ROBO2: variants seen among roughly 807,000 people sequenced by gnomAD.
ROBO2 encodes the protein roundabout homolog 2.
Under a neutral mutation model 160.8 loss-of-function variants are expected in ROBO2, and 53 were observed. The ratio of observed to expected loss-of-function variants is 0.33; its 90% CI spans 0.26 to 0.41. The LOEUF (loss-of-function observed/expected upper bound fraction) is 0.41, where lower values mean the gene tolerates loss of function less well. Among genes scored for constraint, ROBO2 ranks in the 10% least tolerant of loss-of-function variants. ROBO2 has a pLI of 1.00. For synonymous variants in ROBO2, 664 were observed against 611.7 expected, an observed-to-expected ratio of 1.09 and a Z score of -1.26; for missense variants, 1,577 against 1,722.4, an observed-to-expected ratio of 0.92 and a Z score of 1.49.
chr3:77,253,077 G>T (rs1454555866), intron 2 of ROBO2, among the ~76,000 whole-genome samples: 1 of 151,768 alleles, frequency 6.6e-6, no homozygotes, highest in Non-Finnish European at 1.5e-5. Flanking sequence ...GTAAATTTCT[G>T]AGACACCACA....
intron 5 of ROBO2, among the ~76,000 whole-genome samples, chr3:77,522,360 G>T (rs1367020195): frequency 4.6e-5 from 7 of 150,934 alleles, no homozygotes; most frequent in Admixed American, 2.7e-4. Context: ...ATATATTTCG[G>T]CTCTCTAATA....
intron 2 of ROBO2, among the ~76,000 whole-genome samples, chr3:76,692,992 A>ATGTATATATGTATGTATATACACATATG (rs2092837468): frequency 6.7e-6 from 1 of 149,364 alleles, no homozygotes; most frequent in African/African-American, 2.5e-5. Flanking sequence ...ACATATGTGT[A>ATGTATATATGTATGTATATACACATATG]TGTATATATG....
intron 2 of ROBO2, among the ~76,000 whole-genome samples, chr3:76,802,219 AC>A (rs1387124139): frequency 1.3e-5 from 2 of 152,246 alleles, no homozygotes; most frequent in African/African-American, 4.8e-5. Context: ...CAGGGTTGCC[AC>A]TAACCTTCAG....
At chr3:76,110,728 G>T (rs188002151) in intron 2 of ROBO2, among the ~76,000 whole-genome samples, 1 of 151,970 alleles carries the variant, frequency 6.6e-6, no homozygotes, top group Non-Finnish European at 1.5e-5. Context: ...CTAATAAAAT[G>T]TAACATGCTT....
chr3:76,190,304 G>T (rs2107172190), intron 2 of ROBO2, among the ~76,000 whole-genome samples: 1 of 152,198 alleles, frequency 6.6e-6, no homozygotes, highest in East Asian at 1.9e-4. Context: ...GAAGAGGTGT[G>T]TGGCAATAGT....
intron 2 of ROBO2, among the ~76,000 whole-genome samples, chr3:76,958,566 T>A (rs561146323): frequency 6.6e-6 from 1 of 152,152 alleles, no homozygotes; most frequent in South Asian, 2.1e-4. Flanking sequence ...CATCTCAGAG[T>A]TTTTTAAGAT....
chr3:77,191,589 A>G (rs964161201), intron 2 of ROBO2, among the ~76,000 whole-genome samples: 6 of 152,100 alleles, frequency 3.9e-5, no homozygotes, highest in Non-Finnish European at 7.4e-5. Context: ...TTAAACGTGG[A>G]TATTGCTGAA....
intron 2 of ROBO2, among the ~76,000 whole-genome samples, chr3:76,189,991 A>T (rs1407638428): frequency 6.6e-6 from 1 of 152,128 alleles, no homozygotes; most frequent in Non-Finnish European, 1.5e-5. Context: ...ACACTTGCGT[A>T]AGAGAAAATT....
chr3:76,419,757 G>T (rs987910603), intron 2 of ROBO2, among the ~76,000 whole-genome samples: 66 of 152,182 alleles, frequency 4.3e-4, no homozygotes, highest in African/African-American at 1.4e-3. Flanking sequence ...ATAGTAATGG[G>T]AATCATGTAG....
At chr3:76,732,052 G>T (rs774607) in intron 2 of ROBO2, among the ~76,000 whole-genome samples, 28,189 of 152,032 alleles carry the variant, frequency 0.19, 2,734 homozygotes, top group Non-Finnish European at 0.22. Context: ...GGAATCATGT[G>T]ATTTTAAATA....
chr3:76,815,624 T>C (rs1039217190), intron 2 of ROBO2, among the ~76,000 whole-genome samples: 19 of 150,478 alleles, frequency 1.3e-4, no homozygotes, highest in African/African-American at 3.7e-4. Flanking sequence ...AAAATCATTC[T>C]TTAAGGGCTA....
chr3:76,967,511 C>CTTTT, intron 2 of ROBO2, among the ~76,000 whole-genome samples: 1 of 55,372 alleles, frequency 1.8e-5, no homozygotes, highest in Non-Finnish European at 3.1e-5. Flanking sequence ...CTGGCCAGCT[C>CTTTT]TTTTTTTTTT....
chr3:77,019,383 A>G (rs991845042), intron 2 of ROBO2, among the ~76,000 whole-genome samples: 1 of 152,162 alleles, frequency 6.6e-6, no homozygotes, highest in Non-Finnish European at 1.5e-5. Context: ...GCAGGACATC[A>G]TCATCCCCCA....
intron 6 of ROBO2, among the ~76,000 whole-genome samples, chr3:77,532,260 G>GT (rs2091794681): frequency 6.6e-6 from 1 of 151,096 alleles, no homozygotes; most frequent in Non-Finnish European, 1.5e-5. Flanking sequence ...TATTGTCTTG[G>GT]TATTGAATGG....
intron 2 of ROBO2, among the ~76,000 whole-genome samples, chr3:76,889,408 A>G (rs1183672916): frequency 1.3e-5 from 2 of 152,248 alleles, no homozygotes; most frequent in African/African-American, 4.8e-5. Context: ...TAGAAAAATC[A>G]TAGATTAGGG....
At chr3:77,637,500 A>G (rs1435193946) in intron 24 of ROBO2, among the ~76,000 whole-genome samples, 1 of 152,180 alleles carries the variant, frequency 6.6e-6, no homozygotes, top group Admixed American at 6.5e-5. Flanking sequence ...AGTCTCTATA[A>G]ATGTGTATCC....
At chr3:76,207,172 C>T (rs573193726) in intron 2 of ROBO2, among the ~76,000 whole-genome samples, 35 of 151,992 alleles carry the variant, frequency 2.3e-4, no homozygotes, top group Non-Finnish European at 4.6e-4. Context: ...TATAGCTATG[C>T]GATAAGGTAA....
chr3:77,310,156 A>G (rs2063420251), intron 2 of ROBO2, among the ~76,000 whole-genome samples: 1 of 152,134 alleles, frequency 6.6e-6, no homozygotes. Flanking sequence ...TTAATGGATC[A>G]CGTATCAAAT....
At chr3:77,068,804 A>G (rs2067120442) in intron 1 of ROBO2, among the ~76,000 whole-genome samples, 1 of 152,142 alleles carries the variant, frequency 6.6e-6, no homozygotes, top group African/African-American at 2.4e-5. Flanking sequence ...GCTTCATTAA[A>G]TAGAACATAT....
Sources: allele counts gnomAD v4.1 joint callset (sites outside exome capture counted in the v4.1 genomes callset), GRCh38; gene constraint gnomAD v4.1.1; transcripts MANE v1.5; gene names NCBI Gene and HGNC (gene_info 2026-07-23, HGNC 2026-07-21).